The following KIRREL3 variants were observed in gnomAD, a reference collection of about 807,000 sequenced individuals.
KIRREL3 encodes kin of IRRE-like protein 3.
In KIRREL3, 36 loss-of-function variants were observed where a neutral mutation model predicts 89.7. That is an observed-to-expected ratio of 0.40 (90% CI 0.31 to 0.53). KIRREL3 has a LOEUF of 0.53. Ranked by LOEUF, KIRREL3 falls within the 20% of genes least tolerant of loss-of-function variation. KIRREL3 has a pLI of 0.49. For synonymous variants in KIRREL3, 445 were observed against 441.4 expected (o/e 1.01, Z -0.10); for missense variants, 864 against 1,056.6 (o/e 0.82, Z 2.53).
At chr11:126,649,697 T>C (rs1944833781) in intron 1 of KIRREL3, among the ~76,000 whole-genome samples, 1 of 152,196 alleles carries the variant, frequency 6.6e-6, no homozygotes, top group South Asian at 2.1e-4. Flanking sequence ...TCCCAGCTGC[T>C]TTCACAGGCT....
chr11:126,542,727 C>A (rs1938467034), intron 2 of KIRREL3, among the ~76,000 whole-genome samples: 1 of 152,112 alleles, frequency 6.6e-6, no homozygotes, highest in African/African-American at 2.4e-5. Context: ...CCCTTTGGAC[C>A]TTATGCAAAT....
intron 1 of KIRREL3, among the ~76,000 whole-genome samples, chr11:126,941,771 G>A (rs933384692): frequency 6.6e-6 from 1 of 152,220 alleles, no homozygotes; most frequent in African/African-American, 2.4e-5. Context: ...CGTGCCCTGG[G>A]AAGGATGGTA....
At chr11:126,711,890 T>A (rs1323888003) in intron 1 of KIRREL3, among the ~76,000 whole-genome samples, 1 of 151,930 alleles carries the variant, frequency 6.6e-6, no homozygotes, top group Non-Finnish European at 1.5e-5. Context: ...CGCTTCATTA[T>A]AAAAAGCAGA....
chr11:126,712,266 T>TGC (rs1449801250), intron 1 of KIRREL3, among the ~76,000 whole-genome samples: 1 of 144,322 alleles, frequency 6.9e-6, no homozygotes, highest in Non-Finnish European at 1.5e-5. Context: ...TAAGGGCGAG[T>TGC]GTGTGTGTGT....
chr11:126,853,652 C>T (rs960547597), intron 1 of KIRREL3, among the ~76,000 whole-genome samples: 4 of 152,086 alleles, frequency 2.6e-5, no homozygotes, highest in East Asian at 3.8e-4. Context: ...CCCATGCTCT[C>T]TCCAAGTTTT....
rs1950764673 is a variant in KIRREL3 at position 126,795,134 on chromosome 11, C to T, written c.55+205321G>A. Among the ~76,000 whole-genome samples the T allele has an allele frequency of 6.6e-6, 1 of 152,156 alleles. No homozygotes were observed. On this transcript the variant is annotated intron_variant, in intron 1 of 16. Coordinates refer to ENST00000525144, the MANE Select transcript of KIRREL3 (RefSeq NM_032531.4). This position sits in a 1 kb window ranked among gnomAD's most constrained non-coding sequence, Gnocchi z 4.1. ...ACAGGTGTTTGTTAGGGCACTGAAACTATTCTGTATGATCATGTAATGGTG... is the reference window on the plus strand; with the variant it reads ...ACAGGTGTTTGTTAGGGCACTGAAATTATTCTGTATGATCATGTAATGGTG...
At chr11:126,727,318 TTCC>T (rs1704768213) in intron 1 of KIRREL3, among the ~76,000 whole-genome samples, 1 of 152,236 alleles carries the variant, frequency 6.6e-6, no homozygotes, top group African/African-American at 2.4e-5. Flanking sequence ...CTACCTCTCC[TTCC>T]TCACCTCCCA....
chr11:126,440,927 G>C (rs112903121), intron 10 of KIRREL3: 2,944 of 271,168 alleles, frequency 0.011, 22 homozygotes, highest in Non-Finnish European at 0.015. Context: ...GCCTGCAGAG[G>C]GGGTGGGGAG....
intron 1 of KIRREL3, among the ~76,000 whole-genome samples, chr11:126,737,707 T>C (rs1268541666): frequency 6.6e-6 from 1 of 152,218 alleles, no homozygotes; most frequent in African/African-American, 2.4e-5. Flanking sequence ...GAGGCTTTTT[T>C]CGGTTTCTTA....
At chr11:126,770,211 C>G (rs1470177645) in intron 1 of KIRREL3, among the ~76,000 whole-genome samples, 1 of 152,154 alleles carries the variant, frequency 6.6e-6, no homozygotes, top group Non-Finnish European at 1.5e-5. Flanking sequence ...CTTGCTTCTT[C>G]AGTTACAAGC....
At chr11:126,775,391 G>A (rs1214565917) in intron 1 of KIRREL3, among the ~76,000 whole-genome samples, 2 of 152,142 alleles carry the variant, frequency 1.3e-5, no homozygotes, top group African/African-American at 4.8e-5. Context: ...CAAATTTTGC[G>A]GAGGAGATGC....
rs895126321 is a variant in KIRREL3, at chr11:126,708,777, G to A, written c.56-145865C>T. On this transcript the variant is annotated intron_variant, in intron 1 of 16. Transcript: ENST00000525144. The surrounding 1 kb of genome is among the most constrained non-coding windows in gnomAD (Gnocchi z 5.7). Reference sequence around the variant, plus strand: ...GGAGTTCACTAGCTTTCCTCCCTCCGCTCTCCAGCTCCCGTTCCTACCAAA... The same window carrying A: ...GGAGTTCACTAGCTTTCCTCCCTCCACTCTCCAGCTCCCGTTCCTACCAAA... Among the ~76,000 whole-genome samples the A allele has an allele frequency of 2.0e-5, 3 of 152,088 alleles. No individual in the cohort carries two copies. The highest frequency in any genetic ancestry group is 7.2e-5 in the African/African-American group (3 of 41,394).
chr11:126,652,105 G>C lies in KIRREL3; in HGVS notation c.56-89193C>G, dbSNP rs1944928674. 6.6e-6 allele frequency among the ~76,000 whole-genome samples: 1 copy of C among 152,186 alleles called. No homozygotes were observed. The highest frequency in any genetic ancestry group is 6.5e-5 in the Admixed American group (1 of 15,278). On this transcript the variant is annotated intron_variant, in intron 1 of 16. Transcript: ENST00000525144. The surrounding 1 kb of genome is among the most constrained non-coding windows in gnomAD (Gnocchi z 4.9). ...GCCAGGAGGAAGATAGGCACTAGTA[G>C]GTCTGATCTGTCTGGAGGATTCCTT...
chr11:126,489,091 C>T lies in KIRREL3; in HGVS notation c.434-15625G>A, dbSNP rs1242961928. 6.6e-6 allele frequency among the ~76,000 whole-genome samples: 1 copy of T among 152,202 alleles called. No homozygotes were observed. The highest frequency in any genetic ancestry group is 1.5e-5 in the Non-Finnish European group (1 of 68,026). ...CTGCGCTTAGGCATCTGGAGCGCAG[C>T]AGTCAGTCTCATCCTGGGGTGCATC... On this transcript the variant is annotated intron_variant, in intron 4 of 16. Coordinates refer to ENST00000525144, the MANE Select transcript of KIRREL3 (RefSeq NM_032531.4). The surrounding 1 kb of genome is among the most constrained non-coding windows in gnomAD (Gnocchi z 5.5).
At chr11:126,730,368 C>T (rs1303128963) in intron 1 of KIRREL3, among the ~76,000 whole-genome samples, 3 of 152,204 alleles carry the variant, frequency 2.0e-5, no homozygotes, top group African/African-American at 7.2e-5. Context: ...ACAATCCTGG[C>T]CTCCACCCTC....
At chr11:126,952,464 G>T (rs1199050916) in intron 1 of KIRREL3, among the ~76,000 whole-genome samples, 2 of 151,554 alleles carry the variant, frequency 1.3e-5, no homozygotes, top group East Asian at 3.9e-4. Context: ...TAAGTTCTTT[G>T]TAGATTCTAG....
In KIRREL3 at chr11:126,905,134, C is replaced by T. The variant is rs1946526559; in HGVS notation, c.55+95321G>A. On this transcript the variant is annotated intron_variant, in intron 1 of 16. Coordinates refer to ENST00000525144, the MANE Select transcript of KIRREL3 (RefSeq NM_032531.4). The surrounding 1 kb of genome is among the most constrained non-coding windows in gnomAD (Gnocchi z 5.0). ...GTGTCATCAACAGAAGGTTCTCATACCACACAGCTCAGCTTGCAGAGGAGG... is the reference window on the plus strand; with the variant it reads ...GTGTCATCAACAGAAGGTTCTCATATCACACAGCTCAGCTTGCAGAGGAGG... Among the ~76,000 whole-genome samples the T allele has an allele frequency of 6.6e-6, 1 of 152,134 alleles. No homozygotes were observed.
chr11:126,572,822 C>T (rs1189277849), intron 1 of KIRREL3, among the ~76,000 whole-genome samples: 1 of 152,130 alleles, frequency 6.6e-6, no homozygotes, highest in Non-Finnish European at 1.5e-5. Context: ...TATTTATGGC[C>T]CACATAAAAC....
intron 1 of KIRREL3, among the ~76,000 whole-genome samples, chr11:126,646,375 A>G (rs1279298814): frequency 6.6e-6 from 1 of 152,194 alleles, no homozygotes; most frequent in Non-Finnish European, 1.5e-5. Flanking sequence ...TCTTGAAACA[A>G]AATTTAACCA....
Sources: gnomAD v4.1 joint callset for allele counts (sites outside exome capture counted in the v4.1 genomes callset) on GRCh38, gnomAD v4.1.1 for gene constraint, Gnocchi (gnomAD v3.1) non-coding constraint, MANE v1.5 for transcripts, NCBI Gene and HGNC (gene_info 2026-07-23, HGNC 2026-07-21) for gene names.